Variants in ACTL6B observed in about 807,000 individuals in gnomAD.
The protein encoded by ACTL6B is actin-like protein 6B.
Under a neutral mutation model 63.3 loss-of-function variants are expected in ACTL6B, and 48 were observed. The ratio of observed to expected loss-of-function variants is 0.76; its 90% CI spans 0.60 to 0.96. The LOEUF (loss-of-function observed/expected upper bound fraction) is 0.96, where lower values mean the gene tolerates loss of function less well. Ranked by LOEUF, ACTL6B falls within the 50% of genes least tolerant of loss-of-function variation. The pLI is 0.00. For synonymous variants in ACTL6B, 230 were observed against 223.8 expected (o/e 1.03, Z -0.25); for missense variants, 350 against 572.2 (o/e 0.61, Z 3.96).
intron 4 of ACTL6B, among the ~76,000 whole-genome samples, chr7:100,652,111 A>G (rs139690395): frequency 2.6e-5 from 4 of 151,228 alleles, no homozygotes; most frequent in African/African-American, 7.3e-5. Flanking sequence ...AATGAAATTG[A>G]TGAGAGGCCA....
At position 100,648,855 on chromosome 7, in the gene ACTL6B, C is replaced by A; in HGVS notation, c.468-32G>T. ...TCGGATGGGTAAGTCAAAGAGACAGCAGCAGCAAGTGAGGGGCCTGGGCCC... is the reference window on the plus strand; with the variant it reads ...TCGGATGGGTAAGTCAAAGAGACAGAAGCAGCAAGTGAGGGGCCTGGGCCC... On this transcript the variant is annotated intron_variant, in intron 5 of 13. Transcript: ENST00000160382. The surrounding 1 kb of genome is among the most constrained non-coding windows in gnomAD (Gnocchi z 4.4). 1 of 1,598,296 alleles carries A rather than the reference C, an allele frequency of 6.3e-7. No individual in the cohort carries two copies. Among genetic ancestry groups the A allele is most frequent in the Non-Finnish European group, 8.5e-7 (1 of 1,171,580 alleles).
Position 100,646,735 on chromosome 7 carries a change from T to C in ACTL6B, c.1017+16A>G. ...CTGGGCCCCTTTGCCGAGCCTCAGC[T>C]CCGGCCTGGCCTCACCGGGCGAATA... On this transcript the variant is annotated intron_variant, in intron 11 of 13. Coordinates refer to ENST00000160382, the MANE Select transcript of ACTL6B (RefSeq NM_016188.5). The surrounding 1 kb of genome is among the most constrained non-coding windows in gnomAD (Gnocchi z 6.1). 6.2e-7 allele frequency: 1 copy of C among 1,613,062 alleles called. No individual in the cohort carries two copies. Among genetic ancestry groups the C allele is most frequent in the Non-Finnish European group, 8.5e-7 (1 of 1,179,864 alleles).
In ACTL6B at chr7:100,647,482, G is replaced by T; in HGVS notation, c.721C>A (p.Pro241Thr). The T allele has an allele frequency of 6.2e-7, 1 of 1,611,942 alleles. No individual in the cohort carries two copies. Among genetic ancestry groups the T allele is most frequent in the Non-Finnish European group, 8.5e-7 (1 of 1,178,940 alleles). ...PPNWKKKEKL[P>T]QVSKSWHNYM... The stretch of plus-strand genomic sequence containing the variant: ...TTATGCCAGGACTTGGAGACCTGGG[G>T]TAGCTTCTCCTTCTTCTTCCAGTTT... The change falls in exon 8 of 14, where the codon CCC becomes ACC. Residue 241 changes from proline to threonine, a missense_variant. Around this residue, in one of 3 missense-constraint regions of ACTL6B, gnomAD observed 250 missense variants for 364.7 expected, o/e 0.69. Transcript: ENST00000160382. The surrounding 1 kb of genome is among the most constrained non-coding windows in gnomAD (Gnocchi z 4.4).
Position 100,646,200 on chromosome 7 carries a change from C to T in ACTL6B, c.1200+49G>A. 2 of 1,502,288 alleles carry T rather than the reference C, an allele frequency of 1.3e-6. No homozygotes were observed. The highest frequency in any genetic ancestry group is 1.8e-6 in the Non-Finnish European group (2 of 1,096,176). 93.1% of individuals were successfully genotyped at this position (1,502,288 alleles called of 1,614,324 possible). ...TCAAAGTGGCGGGCACTGTCTGGGT[C>T]TCCCCTCTCCCCCACAGTCAGTGCT... On this transcript the variant is annotated intron_variant, in intron 13 of 13. Transcript: ENST00000160382. The surrounding 1 kb of genome is among the most constrained non-coding windows in gnomAD (Gnocchi z 6.1).
chr7:100,654,976 A>C (rs949591488), intron 4 of ACTL6B, 43 bp downstream of exon 4: 2 of 1,509,688 alleles, frequency 1.3e-6, no homozygotes, highest in African/African-American at 1.4e-5. Context: ...AAGGAGGTGC[A>C]GTGGAGATCA....
rs1010214845 is a variant in ACTL6B, at chr7:100,655,283, C to A, written c.268+138G>T. On this transcript the variant is annotated intron_variant, in intron 3 of 13. Transcript: ENST00000160382. This position sits in a 1 kb window ranked among gnomAD's most constrained non-coding sequence, Gnocchi z 4.4. ...CCTGGTGGGCCCCTGGGAAGGGAAC[C>A]CAGCGAGAAGAACCCTGGCAGCCAG... 5.7e-5 allele frequency: 72 copies of A among 1,269,226 alleles called. No individual in the cohort carries two copies. The highest frequency in any genetic ancestry group is 5.3e-4 in the South Asian group (38 of 72,356). The allele number at this position is 1,269,226 out of a possible 1,614,324, so 78.6% of individuals were successfully genotyped here.
At chr7:100,650,652 C>T (rs561512756) in intron 4 of ACTL6B, among the ~76,000 whole-genome samples, 78 of 151,940 alleles carry the variant, frequency 5.1e-4, no homozygotes, top group Middle Eastern at 6.8e-3. Flanking sequence ...GCCTGGACAA[C>T]ATAGTGAGAT....
At position 100,655,676 on chromosome 7, in the gene ACTL6B, C is replaced by A; in HGVS notation, c.103-90G>T. The A allele has an allele frequency of 6.6e-7, 1 of 1,524,204 alleles. No individual in the cohort carries two copies. Among genetic ancestry groups the A allele is most frequent in the East Asian group, 2.4e-5 (1 of 42,184 alleles). The allele number at this position is 1,524,204 out of a possible 1,614,324, so 94.4% of individuals were successfully genotyped here. A position where few individuals can be genotyped will look rare whatever the true frequency, so the allele number is the denominator to read the frequency against. ...CCCACAGCAGGGTCCTCAGACCGCC[C>A]CTGGGTTTATTCCCATATTCCCGCT... On this transcript the variant is annotated intron_variant, in intron 2 of 13. Transcript: ENST00000160382. This position sits in a 1 kb window ranked among gnomAD's most constrained non-coding sequence, Gnocchi z 4.4.
intron 4 of ACTL6B, 127 bp downstream of exon 4, chr7:100,654,892 G>A (rs925480470): frequency 1.3e-6 from 1 of 752,810 alleles, no homozygotes; most frequent in South Asian, 1.7e-5. Flanking sequence ...GGATGGGTGA[G>A]GGGAGTCTGA....
At position 100,646,909 on chromosome 7, in the gene ACTL6B, C is replaced by T. The variant is rs1193282203; in HGVS notation, c.936+62G>A. On this transcript the variant is annotated intron_variant, in intron 10 of 13. Transcript: ENST00000160382. This position sits in a 1 kb window ranked among gnomAD's most constrained non-coding sequence, Gnocchi z 6.1. ...CCCTGCAATCCTTCCCAGCCTCCCCCACGCCCCAGGATCCAGGGACTGCAG... is the reference window on the plus strand; with the variant it reads ...CCCTGCAATCCTTCCCAGCCTCCCCTACGCCCCAGGATCCAGGGACTGCAG... 7 of 1,602,622 alleles carry T rather than the reference C, an allele frequency of 4.4e-6. No homozygotes were observed. Among genetic ancestry groups the T allele is most frequent in the African/African-American group, 1.3e-5 (1 of 74,704 alleles).
rs892603792 is a variant in ACTL6B at position 100,655,660 on chromosome 7, G to A, written c.103-74C>T. On this transcript the variant is annotated intron_variant, in intron 2 of 13. Transcript: ENST00000160382. This position sits in a 1 kb window ranked among gnomAD's most constrained non-coding sequence, Gnocchi z 4.4. ...CTTGCCCCTGTCCAGCCCCACAGCA[G>A]GGTCCTCAGACCGCCCCTGGGTTTA... is the stretch of plus-strand genomic sequence containing the variant. 2 of 1,548,588 alleles carry A rather than the reference G, an allele frequency of 1.3e-6. No individual in the cohort carries two copies. Among genetic ancestry groups the A allele is most frequent in the Admixed American group, 1.9e-5 (1 of 51,634 alleles).
At chr7:100,645,342 C>T (rs1474526529) in intron 13 of ACTL6B, among the ~76,000 whole-genome samples, 4 of 152,160 alleles carry the variant, frequency 2.6e-5, no homozygotes, top group African/African-American at 9.7e-5. Flanking sequence ...TGCCCCAGAA[C>T]CAACCTGCCT....
chr7:100,648,684 G>A lies in ACTL6B; in HGVS notation c.563-22C>T. The A allele has an allele frequency of 6.2e-7, 1 of 1,613,256 alleles. No homozygotes were observed. The highest frequency in any genetic ancestry group is 8.5e-7 in the Non-Finnish European group (1 of 1,179,516). On this transcript the variant is annotated intron_variant, in intron 6 of 13. Transcript: ENST00000160382. This position sits in a 1 kb window ranked among gnomAD's most constrained non-coding sequence, Gnocchi z 4.4. ...ATGCCTAGAAGGAAGGCACTGTCAG[G>A]ACCTGGTCCTCCTGGAGCACCCCCA... is the stretch of plus-strand genomic sequence containing the variant.
At chr7:100,651,321 C>A (rs578189120) in intron 4 of ACTL6B, among the ~76,000 whole-genome samples, 1 of 151,990 alleles carries the variant, frequency 6.6e-6, no homozygotes, top group South Asian at 2.1e-4. Flanking sequence ...GAGGCCAAGG[C>A]GGGCAGATCA....
In ACTL6B at chr7:100,653,338, T is replaced by C. The variant is rs1391016328; in HGVS notation, c.369+1681A>G. On this transcript the variant is annotated intron_variant, in intron 4 of 13. Transcript: ENST00000160382. Reference sequence around the variant, plus strand: ...TAAAAAGAATGTAAATACTGAATACTGATTTCTTTTAAAGTCTAAAATACA... The same window carrying C: ...TAAAAAGAATGTAAATACTGAATACCGATTTCTTTTAAAGTCTAAAATACA... Among the ~76,000 whole-genome samples, 4 of 152,126 alleles carry C rather than the reference T, an allele frequency of 2.6e-5. No individual in the cohort carries two copies. The East Asian group carries it at 7.7e-4, about 29-fold the overall frequency.
rs572488917 is a variant in ACTL6B, at chr7:100,644,688, C to T, written c.1201-1362G>A. On this transcript the variant is annotated intron_variant, in intron 13 of 13. Transcript: ENST00000160382. ...TCTAGAAATTTTGGGCTCAAATGAT[C>T]CTCCCGCCTTGGCCTCTCAAAGTGC... Among the ~76,000 whole-genome samples, 24 of 152,224 alleles carry T rather than the reference C, an allele frequency of 1.6e-4. No individual in the cohort carries two copies. The South Asian group carries it at 5.0e-3, about 32-fold the overall frequency.
chr7:100,653,773 G>C (rs1252590170), intron 4 of ACTL6B, among the ~76,000 whole-genome samples: 1 of 152,116 alleles, frequency 6.6e-6, no homozygotes, highest in Admixed American at 6.6e-5. Flanking sequence ...GAGGAAAAGA[G>C]AGCTAAGCGA....
At position 100,646,741 on chromosome 7, in the gene ACTL6B, C is replaced by G. The variant is rs776272770; in HGVS notation, c.1017+10G>C. 3 of 1,613,674 alleles carry G rather than the reference C, an allele frequency of 1.9e-6. No individual in the cohort carries two copies. Among genetic ancestry groups the G allele is most frequent in the South Asian group, 2.2e-5 (2 of 91,074 alleles). On this transcript the variant is annotated intron_variant, in intron 11 of 13. Transcript: ENST00000160382. This position sits in a 1 kb window ranked among gnomAD's most constrained non-coding sequence, Gnocchi z 6.1. Reference sequence around the variant, plus strand: ...CCCTTTGCCGAGCCTCAGCTCCGGCCTGGCCTCACCGGGCGAATATCAATG... The same window carrying G: ...CCCTTTGCCGAGCCTCAGCTCCGGCGTGGCCTCACCGGGCGAATATCAATG...
At chr7:100,651,563 AAG>A (rs993109094) in intron 4 of ACTL6B, among the ~76,000 whole-genome samples, 21 of 151,726 alleles carry the variant, frequency 1.4e-4, no homozygotes, top group African/African-American at 4.8e-4. Flanking sequence ...AAAAAAAAAA[AAG>A]TTTTTTTTTA....
Sources: gnomAD v4.1 joint callset for allele counts (sites outside exome capture counted in the v4.1 genomes callset) on GRCh38, gnomAD v4.1.1 for gene constraint, gnomAD v4.1.1 regional missense constraint, Gnocchi (gnomAD v3.1) non-coding constraint, MANE v1.5 for transcripts, NCBI Gene and HGNC (gene_info 2026-07-23, HGNC 2026-07-21) for gene names.